The following SULT1B1 variants were observed in gnomAD, a reference collection of about 807,000 sequenced individuals.
SULT1B1 encodes the protein sulfotransferase family 1B member 1.
SULT1B1 carries 28 observed loss-of-function variants against 34.6 expected under a neutral mutation model. That is an observed-to-expected ratio of 0.81 (90% CI 0.60 to 1.11). The LOEUF (loss-of-function observed/expected upper bound fraction) is 1.11, where lower values mean the gene tolerates loss of function less well. SULT1B1 is among the 50% of genes least tolerant of loss of function. The pLI, the probability that SULT1B1 is intolerant of heterozygous loss-of-function variation, is 0.00. For synonymous variants in SULT1B1, 147 were observed against 110.2 expected (o/e 1.33, Z -2.09); for missense variants, 374 against 352.2 (o/e 1.06, Z -0.50).
In SULT1B1 at chr4:69,760,571, C is replaced by T; in HGVS notation, c.-157G>A. The stretch of plus-strand genomic sequence containing the variant: ...AGGCAATGGGGAGCACAGGAAGGCT[C>T]CTGGCACCAGAAAAAAAAAAGTTCA... On this transcript the variant is annotated 5_prime_UTR_variant, in exon 1 of 8. Transcript: ENST00000310613. 6.6e-6 allele frequency: 1 copy of T among 152,048 alleles called. No homozygotes were observed. Among genetic ancestry groups the T allele is most frequent in the African/African-American group, 2.4e-5 (1 of 41,362 alleles). 9.4% of individuals were successfully genotyped at this position (152,048 alleles called of 1,614,324 possible). A position where few individuals can be genotyped will look rare whatever the true frequency, so the allele number is the denominator to read the frequency against.
chr4:69,751,642 C>T (rs1417514020), intron 3 of SULT1B1, among the ~76,000 whole-genome samples: 1 of 152,042 alleles, frequency 6.6e-6, no homozygotes, highest in Admixed American at 6.5e-5. Context: ...TTAGTAGAGA[C>T]GGGGTTTCAC....
chr4:69,730,585 C>T lies in SULT1B1; in HGVS notation c.694G>A (p.Val232Met). The T allele has an allele frequency of 6.2e-7, 1 of 1,613,328 alleles. No individual in the cohort carries two copies. Among genetic ancestry groups the T allele is most frequent in the Non-Finnish European group, 8.5e-7 (1 of 1,179,608 alleles). The change falls in exon 7 of 8, where the codon GTG (valine) becomes ATG (methionine). Residue 232 changes from valine (V) to methionine (M), a missense_variant. Coordinates refer to ENST00000310613, the MANE Select transcript of SULT1B1 (RefSeq NM_014465.4). ...DRIIHHTSFEVMKDNPLVNYT... is the reference protein window; with the variant it reads ...DRIIHHTSFEMMKDNPLVNYT... ...TTTACCAAAGGATTGTCCTTCATCA[C>T]TTCAAATGAGGTGTGATGGATGATC...
intron 4 of SULT1B1, among the ~76,000 whole-genome samples, chr4:69,740,411 G>T (rs968798618): frequency 6.6e-6 from 1 of 152,084 alleles, no homozygotes; most frequent in African/African-American, 2.4e-5. Flanking sequence ...GAAATGCCAG[G>T]TACTTATAAA....
chr4:69,751,870 T>C (rs1718996246), intron 3 of SULT1B1, among the ~76,000 whole-genome samples: 1 of 152,218 alleles, frequency 6.6e-6, no homozygotes. Flanking sequence ...CCATCTGTTA[T>C]CCCTGACTCC....
chr4:69,745,983 T>A (rs1403759158), intron 4 of SULT1B1, among the ~76,000 whole-genome samples: 1 of 152,236 alleles, frequency 6.6e-6, no homozygotes, highest in South Asian at 2.1e-4. Flanking sequence ...TGACTGGATA[T>A]GACATTCTTG....
chr4:69,728,163 T>C (rs1717912082), intron 7 of SULT1B1, among the ~76,000 whole-genome samples: 1 of 152,056 alleles, frequency 6.6e-6, no homozygotes, highest in Non-Finnish European at 1.5e-5. Flanking sequence ...CGTAAGGATG[T>C]CATTAAAAAC....
intron 4 of SULT1B1, among the ~76,000 whole-genome samples, chr4:69,738,578 A>G (rs551290449): frequency 6.0e-4 from 92 of 152,272 alleles, no homozygotes; most frequent in African/African-American, 2.1e-3. Flanking sequence ...GTTCCCTCCC[A>G]TGACACATGG....
At chr4:69,755,900 G>C (rs1431488096) in intron 1 of SULT1B1, among the ~76,000 whole-genome samples, 1 of 152,030 alleles carries the variant, frequency 6.6e-6, no homozygotes, top group Non-Finnish European at 1.5e-5. Context: ...CTCCTTCTGA[G>C]ACTATAATTA....
chr4:69,737,497 A>G lies in SULT1B1; in HGVS notation c.376-3233T>C, dbSNP rs535602671. Among the ~76,000 whole-genome samples, 6 of 152,330 alleles carry G rather than the reference A, an allele frequency of 3.9e-5. No individual in the cohort carries two copies. The South Asian group carries it at 1.2e-3, about 32-fold the overall frequency. On this transcript the variant is annotated intron_variant, in intron 4 of 7. Coordinates refer to ENST00000310613, the MANE Select transcript of SULT1B1 (RefSeq NM_014465.4). Reference sequence around the variant, plus strand: ...TTAAGTCATATTTTACAATTGAGGCAAAAGTTACATTATCTGATGCGGTGT... The same window carrying G: ...TTAAGTCATATTTTACAATTGAGGCGAAAGTTACATTATCTGATGCGGTGT...
intron 4 of SULT1B1, among the ~76,000 whole-genome samples, chr4:69,740,464 G>A (rs532515523): frequency 1.6e-4 from 24 of 152,278 alleles, no homozygotes; most frequent in African/African-American, 7.2e-5. Context: ...CATGATAACA[G>A]CACAGAGAAA....
chr4:69,737,986 G>A (rs903262405), intron 4 of SULT1B1, among the ~76,000 whole-genome samples: 7 of 152,182 alleles, frequency 4.6e-5, no homozygotes, highest in Non-Finnish European at 1.0e-4. Context: ...TACCTGATAG[G>A]CAGTTTTTTG....
intron 4 of SULT1B1, among the ~76,000 whole-genome samples, chr4:69,748,669 C>T (rs1332141056): frequency 1.3e-5 from 2 of 152,098 alleles, no homozygotes; most frequent in Admixed American, 1.3e-4. Flanking sequence ...TGATCTTTGA[C>T]TAAAACGGAA....
At chr4:69,727,506 T>C (rs917826371) in intron 7 of SULT1B1, among the ~76,000 whole-genome samples, 4 of 152,038 alleles carry the variant, frequency 2.6e-5, no homozygotes, top group African/African-American at 9.7e-5. Flanking sequence ...AGTGATAATT[T>C]TACTGTTTCT....
intron 4 of SULT1B1, among the ~76,000 whole-genome samples, chr4:69,742,656 C>G (rs1718595060): frequency 6.6e-6 from 1 of 152,160 alleles, no homozygotes; most frequent in African/African-American, 2.4e-5. Context: ...CCAGTGGCGC[C>G]TTTGTCCAAG....
rs1037390914 is a variant in SULT1B1 at position 69,722,332 on chromosome 4, C to G, written c.*4756G>C. 3 of 152,008 alleles carry G rather than the reference C, an allele frequency of 2.0e-5. No homozygotes were observed. The highest frequency in any genetic ancestry group is 6.6e-5 in the Admixed American group (1 of 15,238). The allele number at this position is 152,008 out of a possible 1,614,324, so 9.4% of individuals were successfully genotyped here. On this transcript the variant is annotated 3_prime_UTR_variant, in exon 8 of 8. Coordinates refer to ENST00000310613, the MANE Select transcript of SULT1B1 (RefSeq NM_014465.4). ...AAGAAAGTGTAGCTAATCTATTACA[C>G]AGATTAGAGGATAGTTTAGTGGTGT...
chr4:69,757,078 CTTA>C (rs1719221238), intron 1 of SULT1B1, among the ~76,000 whole-genome samples: 1 of 152,032 alleles, frequency 6.6e-6, no homozygotes, highest in Non-Finnish European at 1.5e-5. Context: ...CAAAGAGCTA[CTTA>C]TTATTTATTT....
At chr4:69,735,828 C>T (rs1183850502) in intron 4 of SULT1B1, among the ~76,000 whole-genome samples, 1 of 152,186 alleles carries the variant, frequency 6.6e-6, no homozygotes, top group Non-Finnish European at 1.5e-5. Context: ...CCCCACACCT[C>T]AAAAGGAATA....
At position 69,728,913 on chromosome 4, in the gene SULT1B1, G is replaced by A. The variant is rs115361819; in HGVS notation, c.778+1588C>T. Among the ~76,000 whole-genome samples, 643 of 152,004 alleles carry A rather than the reference G, an allele frequency of 4.2e-3. 5 individuals are homozygous for A. The highest frequency in any genetic ancestry group is 0.027 in the Middle Eastern group (8 of 294). On this transcript the variant is annotated intron_variant, in intron 7 of 7. Transcript: ENST00000310613. ...ACCTCAGATCAATCTGACCACAAAAGTATGTTCTTAACCCCCTAGAGAGGG... is the reference window on the plus strand; with the variant it reads ...ACCTCAGATCAATCTGACCACAAAAATATGTTCTTAACCCCCTAGAGAGGG...
intron 3 of SULT1B1, among the ~76,000 whole-genome samples, chr4:69,752,620 TAAACA>T (rs1431592825): frequency 6.6e-6 from 1 of 152,220 alleles, no homozygotes; most frequent in African/African-American, 2.4e-5. Flanking sequence ...ATATATTTTT[TAAACA>T]AAACAAAACA....
Sources: gnomAD v4.1 joint callset for allele counts (sites outside exome capture counted in the v4.1 genomes callset) on GRCh38, gnomAD v4.1.1 for gene constraint, MANE v1.5 for transcripts, NCBI Gene and HGNC (gene_info 2026-07-23, HGNC 2026-07-21) for gene names.